Variants in IQSEC1 observed in about 807,000 individuals in gnomAD.
IQSEC1 encodes the protein IQ motif and SEC7 domain-containing protein 1.
A neutral mutation model predicts 91.0 loss-of-function variants in IQSEC1; 31 were observed. That is an observed-to-expected ratio of 0.34 (90% CI 0.26 to 0.46). The LOEUF (loss-of-function observed/expected upper bound fraction) is 0.46, where lower values mean the gene tolerates loss of function less well. Among genes scored for constraint, IQSEC1 ranks in the 20% least tolerant of loss-of-function variants. The probability of loss-of-function intolerance (pLI) is 1.00; values close to 1 mark genes in which losing one functional copy is unlikely to be tolerated. For missense variants in IQSEC1, 1,388 were observed against 1,575.6 expected, an observed-to-expected ratio of 0.88 and a Z score of 2.02; for synonymous variants, 699 against 662.6, an observed-to-expected ratio of 1.05 and a Z score of -0.84.
intron 2 of IQSEC1, among the ~76,000 whole-genome samples, chr3:13,080,395 G>C (rs2125127433): frequency 6.6e-6 from 1 of 152,274 alleles, no homozygotes; most frequent in Admixed American, 6.5e-5. Context: ...CGACTGGGTG[G>C]ATGGTGGCAC....
chr3:12,907,041 G>A (rs1559604944), intron 12 of IQSEC1, among the ~76,000 whole-genome samples: 1 of 152,130 alleles, frequency 6.6e-6, no homozygotes, highest in Non-Finnish European at 1.5e-5. Flanking sequence ...GATATTACTG[G>A]CAACCAGTAG....
At chr3:12,930,005 C>T (rs1367200877) in intron 3 of IQSEC1, among the ~76,000 whole-genome samples, 3 of 152,348 alleles carry the variant, frequency 2.0e-5, no homozygotes, top group Non-Finnish European at 2.9e-5. Flanking sequence ...CATCTCTCAT[C>T]GTCTTTCAGC....
At chr3:12,985,720 G>T (rs1165262412) in intron 1 of IQSEC1, among the ~76,000 whole-genome samples, 2 of 152,168 alleles carry the variant, frequency 1.3e-5, no homozygotes, top group African/African-American at 2.4e-5. Flanking sequence ...GGGATGGAGG[G>T]TGATAAACGT....
intron 1 of IQSEC1, among the ~76,000 whole-genome samples, chr3:12,949,228 C>T (rs1699380202): frequency 6.6e-6 from 1 of 152,242 alleles, no homozygotes; most frequent in African/African-American, 2.4e-5. Flanking sequence ...GCAGCTTGGA[C>T]AGGGCTGGGT....
chr3:13,243,720 C>T (rs917720883), intron 1 of IQSEC1, among the ~76,000 whole-genome samples: 12 of 151,082 alleles, frequency 7.9e-5, no homozygotes, highest in Non-Finnish European at 1.3e-4. Flanking sequence ...CATGTGGGCC[C>T]GCACATGCCT....
chr3:13,263,835 C>T (rs546669092), intron 1 of IQSEC1, among the ~76,000 whole-genome samples: 46 of 152,196 alleles, frequency 3.0e-4, no homozygotes, highest in Non-Finnish European at 2.8e-4. Flanking sequence ...CCTGGAGCGC[C>T]GGGCTGGGCG....
chr3:12,997,205 C>G (rs1379800159), intron 1 of IQSEC1, among the ~76,000 whole-genome samples: 1 of 152,222 alleles, frequency 6.6e-6, no homozygotes, highest in Admixed American at 6.5e-5. Flanking sequence ...GACTGTATAT[C>G]ATGATCCTTT....
intron 1 of IQSEC1, among the ~76,000 whole-genome samples, chr3:13,167,219 C>T (rs1372769535): frequency 6.6e-6 from 1 of 152,194 alleles, no homozygotes; most frequent in African/African-American, 2.4e-5. Flanking sequence ...GATGCTTTTG[C>T]ATGGGCTGTC....
chr3:12,943,008 G>C (rs988228399), intron 1 of IQSEC1, among the ~76,000 whole-genome samples: 2 of 152,208 alleles, frequency 1.3e-5, no homozygotes, highest in African/African-American at 4.8e-5. Flanking sequence ...CCCTGTGTGT[G>C]GTGTGTGTCA....
chr3:13,121,573 GGTGGCCCTGA>G (rs1216177451), intron 2 of IQSEC1, among the ~76,000 whole-genome samples: 2 of 152,214 alleles, frequency 1.3e-5, no homozygotes, highest in African/African-American at 4.8e-5. Context: ...CACCTGGAAT[GGTGGCCCTGA>G]GTAGTCATGC....
At position 12,899,261 on chromosome 3, in the gene IQSEC1, G is replaced by T; in HGVS notation, c.*1722C>A. The T allele has an allele frequency of 9.4e-7, 1 of 1,061,632 alleles. No individual in the cohort carries two copies. The highest frequency in any genetic ancestry group is 1.4e-6 in the Non-Finnish European group (1 of 726,928). The allele number at this position is 1,061,632 out of a possible 1,614,324, so 65.8% of individuals were successfully genotyped here. A position where few individuals can be genotyped will look rare whatever the true frequency, so the allele number is the denominator to read the frequency against. ...GGCTCCCCTCTCCTCCTGCCGTCCG[G>T]CCACGGCTCACCACGCTGTCCACTG... On this transcript the variant is annotated 3_prime_UTR_variant, in exon 14 of 14. Transcript: ENST00000613206.
intron 2 of IQSEC1, among the ~76,000 whole-genome samples, chr3:13,115,412 G>A (rs1576257000): frequency 1.3e-5 from 2 of 152,322 alleles, no homozygotes; most frequent in South Asian, 4.1e-4. Context: ...CCCCCATGAT[G>A]TCTCTTGACA....
chr3:12,902,537 A>AT (rs1212691279), intron 13 of IQSEC1, among the ~76,000 whole-genome samples: 1 of 151,794 alleles, frequency 6.6e-6, no homozygotes, highest in African/African-American at 2.4e-5. Context: ...GGTGAGAGGC[A>AT]TGGATATTTC....
At chr3:13,093,341 A>C (rs1705898416) in intron 2 of IQSEC1, among the ~76,000 whole-genome samples, 1 of 151,992 alleles carries the variant, frequency 6.6e-6, no homozygotes, top group Non-Finnish European at 1.5e-5. Flanking sequence ...GCAGGGATGC[A>C]TGCTCCTCCA....
intron 6 of IQSEC1, among the ~76,000 whole-genome samples, chr3:12,918,658 A>C (rs1430881996): frequency 6.6e-6 from 1 of 152,126 alleles, no homozygotes; most frequent in Admixed American, 6.5e-5. Context: ...CTCTAGAAAA[A>C]ATAAAAATTA....
chr3:13,130,382 A>G (rs1327146131), intron 2 of IQSEC1, among the ~76,000 whole-genome samples: 1 of 149,984 alleles, frequency 6.7e-6, no homozygotes, highest in Non-Finnish European at 1.5e-5. Context: ...AAAGAAATGT[A>G]TTGTTTATTT....
At chr3:13,042,411 AC>A in intron 1 of IQSEC1, 1 of 152,308 alleles carries the variant, frequency 6.6e-6, no homozygotes, top group South Asian at 2.1e-4. Context: ...CTCCGCGGAG[AC>A]ACGGAGAGGG....
At chr3:13,067,739 G>T (rs923941691) in intron 1 of IQSEC1, among the ~76,000 whole-genome samples, 1 of 152,246 alleles carries the variant, frequency 6.6e-6, no homozygotes, top group Non-Finnish European at 1.5e-5. Flanking sequence ...CAGACTCACT[G>T]GCTGTGACCC....
At chr3:13,179,046 T>C (rs1447708630) in intron 1 of IQSEC1, among the ~76,000 whole-genome samples, 1 of 152,206 alleles carries the variant, frequency 6.6e-6, no homozygotes, top group East Asian at 1.9e-4. Context: ...TCCTGTTTCT[T>C]ATATATTGTT....
Sources: allele counts gnomAD v4.1 joint callset (sites outside exome capture counted in the v4.1 genomes callset), GRCh38; gene constraint gnomAD v4.1.1; transcripts MANE v1.5; gene names NCBI Gene and HGNC (gene_info 2026-07-23, HGNC 2026-07-21).